Variants in SOCS2 observed in about 807,000 individuals in gnomAD.
The protein encoded by SOCS2 is suppressor of cytokine signaling 2, also known as CIS-2.
In SOCS2, 10 loss-of-function variants were observed where a neutral mutation model predicts 18.6. The ratio of observed to expected loss-of-function variants is 0.54; its 90% CI spans 0.33 to 0.91. The LOEUF (loss-of-function observed/expected upper bound fraction) is 0.91. Ranked by LOEUF, SOCS2 falls within the 40% of genes least tolerant of loss-of-function variation. The pLI, the probability that SOCS2 is intolerant of heterozygous loss-of-function variation, is 0.02. For missense variants in SOCS2, 231 were observed against 247.2 expected (o/e 0.93, Z 0.44); for synonymous variants, 104 against 104.0 (o/e 1.00, Z 0.00).
At chr12:93,624,466 G>A in the SOCS2 span, among the ~76,000 whole-genome samples, 7 of 152,044 alleles carry the variant, frequency 4.6e-5, no homozygotes, top group Non-Finnish European at 7.4e-5. Context: ...CAGCTACTAG[G>A]GAGGCTGAGG....
At chr12:93,597,140 T>C in the SOCS2 span, among the ~76,000 whole-genome samples, 1 of 152,306 alleles carries the variant, frequency 6.6e-6, no homozygotes, top group East Asian at 1.9e-4. Context: ...AAAACTGATC[T>C]TGGTATAAAG....
chr12:93,602,231 G>A, the SOCS2 span, among the ~76,000 whole-genome samples: 2 of 152,112 alleles, frequency 1.3e-5, no homozygotes, highest in Non-Finnish European at 2.9e-5. Flanking sequence ...GACTACAGGT[G>A]TGTGCCACTC....
chr12:93,614,480 TTTCCTTCCTTCCTTCCTTCC>T, the SOCS2 span, among the ~76,000 whole-genome samples: 9 of 26,152 alleles, frequency 3.4e-4, no homozygotes, highest in South Asian at 1.6e-3. Flanking sequence ...CCTTCCTTCC[TTTCCTTCCTTCCTTCCTTCC>T]TTCCTTCCTT....
At position 93,575,041 on chromosome 12, in the gene SOCS2, C is replaced by T. The variant is rs779787720; in HGVS notation, c.459C>T (p.Thr153=). The change falls in exon 2 of 2, where the codon ACC becomes ACT. Residue 153 remains threonine (T), a synonymous_variant. Coordinates refer to ENST00000551556, the MANE Select transcript of SOCS2 (RefSeq NM_001270471.2). ...ACGGCACTGTTCACCTTTATCTGACCAAACCGCTCTACACGTCAGCACCAT... is the reference window on the plus strand; with the variant it reads ...ACGGCACTGTTCACCTTTATCTGACTAAACCGCTCTACACGTCAGCACCAT... The part of the protein sequence containing the change: ...PRNGTVHLYL[T]KPLYTSAPSL... 6.2e-7 allele frequency: 1 copy of T among 1,614,010 alleles called. No individual in the cohort carries two copies. Among genetic ancestry groups the T allele is most frequent in the African/African-American group, 1.3e-5 (1 of 74,992 alleles).
the SOCS2 span, among the ~76,000 whole-genome samples, chr12:93,624,268 A>G: frequency 6.6e-6 from 1 of 152,224 alleles, no homozygotes; most frequent in Non-Finnish European, 1.5e-5. Flanking sequence ...CCCAGCTTCC[A>G]GAACTATGAA....
the SOCS2 span, among the ~76,000 whole-genome samples, chr12:93,623,853 C>T: frequency 5.3e-5 from 8 of 152,138 alleles, no homozygotes; most frequent in Non-Finnish European, 2.9e-5. Context: ...TACAGGCACA[C>T]ACCACCATGT....
chr12:93,596,700 C>A, the SOCS2 span, among the ~76,000 whole-genome samples: 1 of 152,124 alleles, frequency 6.6e-6, no homozygotes, highest in Non-Finnish European at 1.5e-5. Flanking sequence ...TGTTGGCCTG[C>A]GCCTGTAATC....
chr12:93,601,110 T>C, the SOCS2 span, among the ~76,000 whole-genome samples: 8 of 145,204 alleles, frequency 5.5e-5, no homozygotes, highest in Non-Finnish European at 9.3e-5. Flanking sequence ...CTCTCTCTCT[T>C]TTTTTTTTTT....
chr12:93,574,713 A>T lies in SOCS2; in HGVS notation c.140-9A>T. On this transcript the variant is annotated splice_polypyrimidine_tract_variant and intron_variant, in intron 1 of 1. Transcript: ENST00000551556. Reference sequence around the variant, plus strand: ...CTCTTTTCTTTTTCTTTTTGAACAAAAACCCCAGGATGGTACTGGGGAAGT... The same window carrying T: ...CTCTTTTCTTTTTCTTTTTGAACAATAACCCCAGGATGGTACTGGGGAAGT... 4.5e-6 allele frequency: 7 copies of T among 1,559,594 alleles called. No homozygotes were observed. Among genetic ancestry groups the T allele is most frequent in the Non-Finnish European group, 6.1e-6 (7 of 1,154,418 alleles).
chr12:93,580,854 T>A (rs1449691630), downstream of SOCS2, among the ~76,000 whole-genome samples: 1 of 152,224 alleles, frequency 6.6e-6, no homozygotes, highest in Non-Finnish European at 1.5e-5. Flanking sequence ...GATTAGAGCA[T>A]CTGCTCTTAA....
At chr12:93,597,920 G>A in the SOCS2 span, among the ~76,000 whole-genome samples, 1 of 152,128 alleles carries the variant, frequency 6.6e-6, no homozygotes, top group East Asian at 1.9e-4. Context: ...ATGTAGTTTA[G>A]CTTTGTAGGT....
At chr12:93,616,652 T>A in the SOCS2 span, among the ~76,000 whole-genome samples, 2 of 152,150 alleles carry the variant, frequency 1.3e-5, no homozygotes, top group Non-Finnish European at 1.5e-5. Flanking sequence ...TAGGCAGGAA[T>A]GGGAGACAAT....
chr12:93,592,802 C>G, the SOCS2 span, among the ~76,000 whole-genome samples: 1 of 152,060 alleles, frequency 6.6e-6, no homozygotes. Flanking sequence ...TCAACAACTT[C>G]GTCCCAGCCT....
At chr12:93,571,679 A>T (rs1297099133), upstream of SOCS2, 1 of 265,038 alleles carries the variant, frequency 3.8e-6, no homozygotes, top group Non-Finnish European at 7.6e-6. Flanking sequence ...ATGATCCTCG[A>T]GGCTTTTGTG....
At position 93,575,030 on chromosome 12, in the gene SOCS2, C is replaced by G; in HGVS notation, c.448C>G (p.Leu150Val). The G allele has an allele frequency of 6.2e-7, 1 of 1,613,840 alleles. No individual in the cohort carries two copies. The highest frequency in any genetic ancestry group is 1.3e-5 in the African/African-American group (1 of 74,904). The change falls in exon 2 of 2, where the codon CTT becomes GTT. Residue 150 changes from leucine (L) to valine (V), a missense_variant. This residue lies in a region of SOCS2 where 122 missense variants were observed against 127.2 expected (regional missense o/e 0.96). Transcript: ENST00000551556. ...PEAPRNGTVH[L>V]YLTKPLYTSA... ...AGCCCCCCGGAACGGCACTGTTCAC[C>G]TTTATCTGACCAAACCGCTCTACAC...
At chr12:93,579,427 A>G (rs995268528), downstream of SOCS2, among the ~76,000 whole-genome samples, 1 of 152,138 alleles carries the variant, frequency 6.6e-6, no homozygotes, top group Non-Finnish European at 1.5e-5. Context: ...AACCAGCCCC[A>G]GATGCCACAC....
chr12:93,622,118 A>G, the SOCS2 span, among the ~76,000 whole-genome samples: 1 of 151,628 alleles, frequency 6.6e-6, no homozygotes, highest in African/African-American at 2.4e-5. Flanking sequence ...AACATTTAAA[A>G]CTCTGGAGTT....
chr12:93,626,158 T>C, the SOCS2 span, among the ~76,000 whole-genome samples: 1 of 152,148 alleles, frequency 6.6e-6, no homozygotes, highest in Non-Finnish European at 1.5e-5. Flanking sequence ...TGAGCCTCTT[T>C]CTATTTATCC....
chr12:93,571,288 C>G (rs1427024539), upstream of SOCS2: 2 of 152,314 alleles, frequency 1.3e-5, no homozygotes, highest in Non-Finnish European at 2.9e-5. Context: ...GAGGCGCGGC[C>G]GCGTGCGCCG....
Sources: gnomAD v4.1 joint callset for allele counts (sites outside exome capture counted in the v4.1 genomes callset) on GRCh38, gnomAD v4.1.1 for gene constraint, gnomAD v4.1.1 regional missense constraint, MANE v1.5 for transcripts, NCBI Gene and HGNC (gene_info 2026-07-23, HGNC 2026-07-21) for gene names.